The following TIPARP variants were observed in gnomAD, a reference collection of about 807,000 sequenced individuals.
The protein encoded by TIPARP is protein mono-ADP-ribosyltransferase TIPARP.
In TIPARP, 12 loss-of-function variants were observed where a neutral mutation model predicts 56.5. The observed-to-expected ratio is 0.21, with a 90% CI of 0.14 to 0.34. TIPARP has a LOEUF of 0.34. TIPARP is among the 10% of genes least tolerant of loss of function. The pLI is 1.00. For missense variants in TIPARP, 604 were observed against 781.6 expected, an observed-to-expected ratio of 0.77 and a Z score of 2.71; for synonymous variants, 296 against 265.7, an observed-to-expected ratio of 1.11 and a Z score of -1.11.
At chr3:156,695,346 T>C (rs185941344) in intron 3 of TIPARP, among the ~76,000 whole-genome samples, 266 of 152,204 alleles carry the variant, frequency 1.7e-3, no homozygotes, top group African/African-American at 6.0e-3. Context: ...CCCAAATAGC[T>C]GGGACTACAG....
rs1182718102 is a variant in TIPARP, at chr3:156,687,342, A to C, written c.918-6678A>C. 1.3e-5 allele frequency among the ~76,000 whole-genome samples: 2 copies of C among 152,338 alleles called. 1 individual carries two copies. Among genetic ancestry groups the C allele is most frequent in the South Asian group, 4.1e-4 (2 of 4,828 alleles). On this transcript the variant is annotated intron_variant, in intron 2 of 5. Coordinates refer to ENST00000295924, the MANE Select transcript of TIPARP (RefSeq NM_015508.5). ...GATGGCAGTGAGATCTTCTGATCTC[A>C]TAAGTGTAATTTTTATTTATGAAAG...
chr3:156,704,205 C>A (rs1722922922), intron 5 of TIPARP, among the ~76,000 whole-genome samples: 1 of 152,086 alleles, frequency 6.6e-6, no homozygotes, highest in East Asian at 1.9e-4. Flanking sequence ...GAAACTGAGT[C>A]ACAGAAAGCT....
chr3:156,684,472 G>T (rs1288393084), intron 2 of TIPARP, among the ~76,000 whole-genome samples: 1 of 152,060 alleles, frequency 6.6e-6, no homozygotes, highest in Non-Finnish European at 1.5e-5. Flanking sequence ...TTGAGACCAA[G>T]TTTCAGGCTG....
At position 156,678,279 on chromosome 3, in the gene TIPARP, T is replaced by C. The variant is rs965962230; in HGVS notation, c.582T>C (p.Phe194=). 6.2e-7 allele frequency: 1 copy of C among 1,614,196 alleles called. No individual in the cohort carries two copies. Among genetic ancestry groups the C allele is most frequent in the African/African-American group, 1.3e-5 (1 of 75,068 alleles). Reference sequence around the variant, plus strand: ...CAGGCATTTTCCAAGAAAACAGTTTTACAATCCAATACATTCTGGACACCA... The same window carrying C: ...CAGGCATTTTCCAAGAAAACAGTTTCACAATCCAATACATTCTGGACACCA... The part of the protein sequence containing the change: ...YVPGIFQENS[F]TIQYILDTSD... Residue 194 remains phenylalanine (F), a synonymous_variant, in exon 2 of 6, where the codon TTT becomes TTC. Coordinates refer to ENST00000295924, the MANE Select transcript of TIPARP (RefSeq NM_015508.5).
rs1490240559 is a variant in TIPARP at position 156,674,611 on chromosome 3, G to A, written c.-227G>A. On this transcript the variant is annotated 5_prime_UTR_variant, in exon 1 of 6. Transcript: ENST00000295924. ...AAGCAGAGATCGAGGTGACAGGCGA[G>A]CTGGCTGGACTCGGAGCGCGGTCGA... 1.3e-5 allele frequency: 2 copies of A among 152,652 alleles called. No individual in the cohort carries two copies. The highest frequency in any genetic ancestry group is 6.5e-5 in the Admixed American group (1 of 15,288). 9.5% of individuals were successfully genotyped at this position (152,652 alleles called of 1,614,324 possible).
rs1310433242 is a variant in TIPARP at position 156,678,737 on chromosome 3, C to A, written c.917+123C>A. On this transcript the variant is annotated intron_variant, in intron 2 of 5. Transcript: ENST00000295924. ...GGTTTTCTTTTTTTCCACTATTATT[C>A]TTTTGACTGTGCTGTCCTGATTTTT... The A allele has an allele frequency of 5.0e-6, 4 of 803,808 alleles. No homozygotes were observed. In the East Asian group the frequency reaches 1.1e-4, roughly 22 times the overall value. The allele number at this position is 803,808 out of a possible 1,614,324, so 49.8% of individuals were successfully genotyped here.
chr3:156,683,077 CT>C (rs924992746), intron 2 of TIPARP, among the ~76,000 whole-genome samples: 2 of 152,200 alleles, frequency 1.3e-5, no homozygotes, highest in African/African-American at 4.8e-5. Context: ...GCAGATTAGA[CT>C]TTTTGAAGCA....
chr3:156,704,975 C>G lies in TIPARP; in HGVS notation c.1818C>G (p.Pro606=). ...TGGGCAGTCATGGCATGAGAAGGCC[C>G]CCGCCAGTCAATCCTGGCAGTGTCA... ...YTMGSHGMRR[P]PPVNPGSVTS... The change falls in exon 6 of 6, where the codon CCC becomes CCG. Residue 606 remains proline, a synonymous_variant. Transcript: ENST00000295924. 1 of 1,614,210 alleles carries G rather than the reference C, an allele frequency of 6.2e-7. No homozygotes were observed. The highest frequency in any genetic ancestry group is 8.5e-7 in the Non-Finnish European group (1 of 1,180,042).
chr3:156,688,490 C>G (rs1248740519), intron 2 of TIPARP, among the ~76,000 whole-genome samples: 1 of 149,218 alleles, frequency 6.7e-6, no homozygotes, highest in Admixed American at 6.7e-5. Flanking sequence ...CCGCCCCCCC[C>G]CGCAATAAGT....
intron 2 of TIPARP, among the ~76,000 whole-genome samples, chr3:156,685,300 G>A (rs1055319777): frequency 6.6e-6 from 1 of 152,162 alleles, no homozygotes; most frequent in Non-Finnish European, 1.5e-5. Flanking sequence ...GCTCTATGCT[G>A]TTTACTTACT....
At chr3:156,681,599 A>T (rs1559971417) in intron 2 of TIPARP, among the ~76,000 whole-genome samples, 1 of 152,192 alleles carries the variant, frequency 6.6e-6, no homozygotes, top group Non-Finnish European at 1.5e-5. Context: ...GTTCTCAGGA[A>T]TGAAATTGGA....
chr3:156,679,316 G>A (rs1330880248), intron 2 of TIPARP, among the ~76,000 whole-genome samples: 1 of 152,118 alleles, frequency 6.6e-6, no homozygotes, highest in African/African-American at 2.4e-5. Context: ...CAAGATGTGT[G>A]TATACACATA....
chr3:156,700,718 C>T (rs953591285), intron 4 of TIPARP, among the ~76,000 whole-genome samples: 5 of 152,158 alleles, frequency 3.3e-5, no homozygotes, highest in African/African-American at 9.7e-5. Context: ...GGCACAGTTT[C>T]TTTAATCCCC....
intron 4 of TIPARP, 150 bp from the exon 5 acceptor site, chr3:156,703,274 T>C: frequency 2.3e-6 from 2 of 852,002 alleles, no homozygotes; most frequent in Non-Finnish European, 3.4e-6. Flanking sequence ...CCTTTTTTTT[T>C]AATTAAATAG....
chr3:156,697,408 A>T (rs1722741582), intron 4 of TIPARP, among the ~76,000 whole-genome samples: 1 of 133,400 alleles, frequency 7.5e-6, no homozygotes. Flanking sequence ...ATAAGTAATT[A>T]TGGAATATGC....
At chr3:156,680,668 C>T (rs1232394613) in intron 2 of TIPARP, among the ~76,000 whole-genome samples, 1 of 152,140 alleles carries the variant, frequency 6.6e-6, no homozygotes, top group African/African-American at 2.4e-5. Flanking sequence ...ATTTTGATCC[C>T]AGAAAATCCA....
At chr3:156,700,324 CT>C (rs1339709241) in intron 4 of TIPARP, among the ~76,000 whole-genome samples, 1 of 151,696 alleles carries the variant, frequency 6.6e-6, no homozygotes, top group Non-Finnish European at 1.5e-5. Flanking sequence ...CACTATGTTG[CT>C]GGGGCTGGTC....
intron 2 of TIPARP, among the ~76,000 whole-genome samples, chr3:156,683,747 C>G (rs534994077): frequency 6.6e-6 from 1 of 152,224 alleles, no homozygotes; most frequent in African/African-American, 2.4e-5. Flanking sequence ...GGTCAGTGAT[C>G]CTTAGTTTTA....
At chr3:156,680,657 C>A (rs1722272849) in intron 2 of TIPARP, among the ~76,000 whole-genome samples, 1 of 152,272 alleles carries the variant, frequency 6.6e-6, no homozygotes, top group South Asian at 2.1e-4. Context: ...GCAAGATAAT[C>A]ATTTTGATCC....
Sources: allele counts gnomAD v4.1 joint callset (sites outside exome capture counted in the v4.1 genomes callset), GRCh38; gene constraint gnomAD v4.1.1; transcripts MANE v1.5; gene names NCBI Gene and HGNC (gene_info 2026-07-23, HGNC 2026-07-21).